The following SH3RF3 variants were observed in gnomAD, a reference collection of about 807,000 sequenced individuals.
SH3RF3 encodes the protein E3 ubiquitin-protein ligase SH3RF3.
Under a neutral mutation model 66.3 loss-of-function variants are expected in SH3RF3, and 29 were observed. The observed-to-expected ratio is 0.44, with a 90% confidence interval of 0.33 to 0.60. The LOEUF (loss-of-function observed/expected upper bound fraction) is 0.60. SH3RF3 is among the 20% of genes least tolerant of loss of function. The probability of loss-of-function intolerance (pLI) is 0.04; values close to 1 mark genes in which losing one functional copy is unlikely to be tolerated. For missense variants in SH3RF3, 1,194 were observed against 1,190.9 expected (o/e 1.00, Z -0.04); for synonymous variants, 583 against 532.0 (o/e 1.10, Z -1.32).
intron 1 of SH3RF3, among the ~76,000 whole-genome samples, chr2:109,334,669 G>T (rs1324372739): frequency 6.6e-6 from 1 of 152,200 alleles, no homozygotes; most frequent in Non-Finnish European, 1.5e-5. Context: ...ATGCAGACAA[G>T]AGGGAAAGGA....
At chr2:109,396,667 G>A (rs1015881558) in intron 3 of SH3RF3, among the ~76,000 whole-genome samples, 8 of 152,214 alleles carry the variant, frequency 5.3e-5, no homozygotes, top group African/African-American at 1.9e-4. Flanking sequence ...GCATTGAGGG[G>A]AATCTCCTAG....
chr2:109,223,009 G>T (rs1320150574), intron 1 of SH3RF3, among the ~76,000 whole-genome samples: 10 of 152,236 alleles, frequency 6.6e-5, no homozygotes, highest in Admixed American at 6.5e-4. Flanking sequence ...TCAGGGTGAA[G>T]AGGGCACTGT....
intron 3 of SH3RF3, among the ~76,000 whole-genome samples, chr2:109,395,649 G>A (rs1236610614): frequency 2.6e-5 from 4 of 152,172 alleles, no homozygotes; most frequent in Non-Finnish European, 4.4e-5. Context: ...CTCTGTCTCC[G>A]CCGTGAAGGC....
At chr2:109,192,631 T>C (rs1166611802) in intron 1 of SH3RF3, among the ~76,000 whole-genome samples, 1 of 152,194 alleles carries the variant, frequency 6.6e-6, no homozygotes, top group African/African-American at 2.4e-5. Context: ...GAAGTAAATA[T>C]ACAGAAGGTA....
At chr2:109,191,429 G>A (rs1430306) in intron 1 of SH3RF3, among the ~76,000 whole-genome samples, 77,712 of 151,998 alleles carry the variant, frequency 0.51, 20,472 homozygotes, top group South Asian at 0.61. Context: ...AGAAAGTGGG[G>A]TGAGTTATAA....
intron 1 of SH3RF3, among the ~76,000 whole-genome samples, chr2:109,219,114 G>A (rs536550875): frequency 6.6e-6 from 1 of 152,286 alleles, no homozygotes; most frequent in African/African-American, 2.4e-5. Flanking sequence ...CACATGACTG[G>A]CTTTGTGGAG....
At chr2:109,426,963 AAT>A (rs202130954) in intron 5 of SH3RF3, among the ~76,000 whole-genome samples, 2,264 of 113,492 alleles carry the variant, frequency 0.02, 40 homozygotes, top group East Asian at 0.075. Flanking sequence ...AGGGCAATAA[AAT>A]ATATATATAT....
chr2:109,305,748 T>G (rs914243107), intron 1 of SH3RF3, among the ~76,000 whole-genome samples: 1 of 152,308 alleles, frequency 6.6e-6, no homozygotes, highest in East Asian at 1.9e-4. Context: ...TTCCAGGCAG[T>G]GTTCTCTGCG....
chr2:109,372,375 T>A (rs550272985), intron 3 of SH3RF3, among the ~76,000 whole-genome samples: 61 of 152,338 alleles, frequency 4.0e-4, no homozygotes, highest in Non-Finnish European at 6.5e-4. Flanking sequence ...CGTGTGTGTC[T>A]GCCATTTGTC....
intron 3 of SH3RF3, 53 bp downstream of exon 3, chr2:109,371,734 C>T: frequency 2.0e-6 from 3 of 1,509,970 alleles, no homozygotes; most frequent in Non-Finnish European, 1.8e-6. Flanking sequence ...ACCCTTGTTT[C>T]ACTACAGTGG....
intron 1 of SH3RF3, among the ~76,000 whole-genome samples, chr2:109,336,762 C>T (rs1378150467): frequency 9.2e-5 from 14 of 152,158 alleles, no homozygotes; most frequent in Admixed American, 8.5e-4. Context: ...GTTGGCAAAG[C>T]GTTTTGTAAC....
intron 7 of SH3RF3, among the ~76,000 whole-genome samples, chr2:109,438,856 G>A (rs1317567803): frequency 6.6e-6 from 1 of 152,140 alleles, no homozygotes; most frequent in Non-Finnish European, 1.5e-5. Flanking sequence ...CAGGACCAGG[G>A]GAGCAAAAGT....
chr2:109,407,489 C>G (rs1349301587), intron 4 of SH3RF3, among the ~76,000 whole-genome samples: 3 of 152,122 alleles, frequency 2.0e-5, no homozygotes, highest in African/African-American at 7.2e-5. Context: ...CAGACAGATG[C>G]TTCAAGCAGG....
At chr2:109,337,516 C>G (rs1412267081) in intron 1 of SH3RF3, among the ~76,000 whole-genome samples, 1 of 152,186 alleles carries the variant, frequency 6.6e-6, no homozygotes, top group Admixed American at 6.5e-5. Flanking sequence ...CTGGAGGCAC[C>G]CCCGGTCACA....
intron 1 of SH3RF3, among the ~76,000 whole-genome samples, chr2:109,239,600 C>T (rs948042302): frequency 6.6e-6 from 1 of 152,144 alleles, no homozygotes; most frequent in Non-Finnish European, 1.5e-5. Flanking sequence ...AGACTGGGTA[C>T]AGAGCCAGGC....
In SH3RF3 at chr2:109,490,606, A is replaced by G. The variant is rs536579038; in HGVS notation, c.2150A>G (p.Lys717Arg). 2 of 1,431,044 alleles carry G rather than the reference A, an allele frequency of 1.4e-6. No homozygotes were observed. Among genetic ancestry groups the G allele is most frequent in the Non-Finnish European group, 1.8e-6 (2 of 1,090,344 alleles). 88.6% of individuals were successfully genotyped at this position (1,431,044 alleles called of 1,614,324 possible). ...TTTCCATCTTGTGTGTCTCCCCAGA[A>G]AGAGAAGAAGAGTGGGCTCCTGAAG... is the stretch of plus-strand genomic sequence containing the variant. ...CKLDEKKSEK[K>R]EKKSGLLKLL... Residue 717 changes from lysine (K) to arginine (R), a missense_variant and splice_region_variant, in exon 9 of 10, where the codon AAA (lysine) becomes AGA (arginine). Transcript: ENST00000309415.
chr2:109,211,829 G>A (rs921457378), intron 1 of SH3RF3, among the ~76,000 whole-genome samples: 3 of 152,086 alleles, frequency 2.0e-5, no homozygotes, highest in African/African-American at 7.2e-5. Flanking sequence ...TTTTAGGAGA[G>A]ACAGGGTTTC....
At chr2:109,222,664 G>A (rs374070210) in intron 1 of SH3RF3, among the ~76,000 whole-genome samples, 1 of 152,190 alleles carries the variant, frequency 6.6e-6, no homozygotes, top group African/African-American at 2.4e-5. Flanking sequence ...GCCCTGTGGA[G>A]CCTGGCCAGG....
chr2:109,211,746 G>A (rs1402380653), intron 1 of SH3RF3, among the ~76,000 whole-genome samples: 1 of 151,196 alleles, frequency 6.6e-6, no homozygotes, highest in African/African-American at 2.4e-5. Context: ...CTGGGTTTAA[G>A]CAGTTCTCCT....
Sources: gnomAD v4.1 joint callset for allele counts (sites outside exome capture counted in the v4.1 genomes callset) on GRCh38, gnomAD v4.1.1 for gene constraint, MANE v1.5 for transcripts, NCBI Gene and HGNC (gene_info 2026-07-23, HGNC 2026-07-21) for gene names.